The following LEKR1 variants were observed in gnomAD, a reference collection of about 807,000 sequenced individuals.
The protein encoded by LEKR1 is leucine, glutamate and lysine rich 1.
Under a neutral mutation model 72.4 loss-of-function variants are expected in LEKR1, and 59 were observed. The observed-to-expected ratio is 0.82, with a 90% confidence interval of 0.66 to 1.01. The LOEUF (loss-of-function observed/expected upper bound fraction) is 1.01, where lower values mean the gene tolerates loss of function less well. Ranked by LOEUF, LEKR1 falls within the 50% of genes least tolerant of loss-of-function variation. LEKR1 has a pLI of 0.00. For missense variants in LEKR1, 728 were observed against 759.2 expected (o/e 0.96, Z 0.48); for synonymous variants, 257 against 263.2 (o/e 0.98, Z 0.23).
chr3:156,834,905 C>T (rs1275663302), intron 2 of LEKR1, among the ~76,000 whole-genome samples: 2 of 152,178 alleles, frequency 1.3e-5, no homozygotes, highest in African/African-American at 4.8e-5. Flanking sequence ...AAGTCATCTA[C>T]ACTAAAAGGC....
At chr3:156,863,032 T>C (rs1049806619) in intron 3 of LEKR1, among the ~76,000 whole-genome samples, 3 of 152,054 alleles carry the variant, frequency 2.0e-5, no homozygotes, top group African/African-American at 7.2e-5. Context: ...AAAGTTAAGT[T>C]TGGCTTTCCA....
chr3:157,020,952 C>A (rs1348528542), intron 10 of LEKR1, among the ~76,000 whole-genome samples: 2 of 151,088 alleles, frequency 1.3e-5, no homozygotes, highest in African/African-American at 4.8e-5. Flanking sequence ...TGTTTCCTGA[C>A]TTTTTAATGA....
intron 5 of LEKR1, among the ~76,000 whole-genome samples, chr3:156,936,540 G>A (rs966488321): frequency 2.0e-5 from 3 of 151,712 alleles, no homozygotes; most frequent in African/African-American, 7.3e-5. Flanking sequence ...TAAAGTCTAT[G>A]TTTTTTCTAT....
chr3:156,915,413 T>C (rs1723532271), intron 3 of LEKR1, among the ~76,000 whole-genome samples: 1 of 147,020 alleles, frequency 6.8e-6, no homozygotes, highest in African/African-American at 2.6e-5. Context: ...CTTGCCAGCA[T>C]CTGTTATTTT....
chr3:156,858,722 G>GT (rs1716396139), intron 3 of LEKR1, among the ~76,000 whole-genome samples: 1 of 150,786 alleles, frequency 6.6e-6, no homozygotes, highest in Non-Finnish European at 1.5e-5. Flanking sequence ...TTAATGTTTA[G>GT]TTTTCTTTCT....
At chr3:156,864,851 C>T (rs1484481411) in intron 3 of LEKR1, among the ~76,000 whole-genome samples, 1 of 151,872 alleles carries the variant, frequency 6.6e-6, no homozygotes, top group South Asian at 2.1e-4. Context: ...TTTGGCCTCT[C>T]CACTTCCTCC....
chr3:156,970,321 C>A (rs1729044640), intron 6 of LEKR1, among the ~76,000 whole-genome samples: 1 of 151,256 alleles, frequency 6.6e-6, no homozygotes, highest in Non-Finnish European at 1.5e-5. Flanking sequence ...AGGAAAAGAG[C>A]TCTTTAGTTT....
intron 7 of LEKR1, among the ~76,000 whole-genome samples, chr3:156,984,463 G>A (rs1033964171): frequency 1.4e-4 from 22 of 152,222 alleles, no homozygotes; most frequent in African/African-American, 5.3e-4. Context: ...GATCACCTGA[G>A]GTCAGGAGTT....
At position 157,035,760 on chromosome 3, in the gene LEKR1, G is replaced by A. The variant is rs147143991; in HGVS notation, c.1668+7358G>A. Among the ~76,000 whole-genome samples the A allele has an allele frequency of 7.9e-5, 12 of 152,158 alleles. 1 individual carries two copies. In the East Asian group the frequency reaches 1.2e-3, roughly 15 times the overall value. On this transcript the variant is annotated intron_variant, in intron 12 of 12. Transcript: ENST00000356539. Reference sequence around the variant, plus strand: ...CTGAAAATACAAAAATTAGCCTGTCGTGGTGCTGCACATCTGTAATCCCAG... The same window carrying A: ...CTGAAAATACAAAAATTAGCCTGTCATGGTGCTGCACATCTGTAATCCCAG...
intron 2 of LEKR1, among the ~76,000 whole-genome samples, chr3:156,852,421 C>T (rs879492963): frequency 5.3e-5 from 8 of 152,172 alleles, no homozygotes; most frequent in Non-Finnish European, 1.2e-4. Flanking sequence ...GTGATTTCCT[C>T]CCACTTCGTG....
chr3:156,945,148 T>G (rs955047699), intron 6 of LEKR1, among the ~76,000 whole-genome samples: 1 of 151,958 alleles, frequency 6.6e-6, no homozygotes, highest in Non-Finnish European at 1.5e-5. Flanking sequence ...TAGTTTTGAT[T>G]TGCATTTCTC....
At chr3:156,856,754 A>T (rs1716107833) in intron 3 of LEKR1, among the ~76,000 whole-genome samples, 1 of 151,946 alleles carries the variant, frequency 6.6e-6, no homozygotes, top group South Asian at 2.1e-4. Flanking sequence ...TAGCTTCCTC[A>T]TTGAATTCTT....
chr3:156,980,735 A>G (rs991744545), intron 7 of LEKR1, among the ~76,000 whole-genome samples: 1 of 152,212 alleles, frequency 6.6e-6, no homozygotes, highest in Non-Finnish European at 1.5e-5. Context: ...GTGTTAGCAC[A>G]CAACTAAGCT....
At chr3:157,012,143 C>T (rs565563372) in intron 10 of LEKR1, among the ~76,000 whole-genome samples, 3 of 152,190 alleles carry the variant, frequency 2.0e-5, no homozygotes, top group South Asian at 4.2e-4. Context: ...CTCAGACCAT[C>T]CACAGCTCTA....
intron 3 of LEKR1, among the ~76,000 whole-genome samples, chr3:156,888,939 A>C (rs959927295): frequency 3.3e-5 from 5 of 152,236 alleles, no homozygotes; most frequent in Non-Finnish European, 7.3e-5. Flanking sequence ...TTATTTTCTA[A>C]AAAGGAAAGC....
At chr3:156,950,475 G>A (rs75453841) in intron 6 of LEKR1, among the ~76,000 whole-genome samples, 10,779 of 151,454 alleles carry the variant, frequency 0.071, 487 homozygotes, top group African/African-American at 0.12. Flanking sequence ...ATGAGCATGG[G>A]ATGTTCTTCT....
rs958018840 is a variant in LEKR1, at chr3:156,887,402, G to A, written c.264-33173G>A. 6.6e-5 allele frequency among the ~76,000 whole-genome samples: 10 copies of A among 151,842 alleles called. No individual in the cohort carries two copies. In the South Asian group the frequency reaches 1.2e-3, roughly 19 times the overall value. Reference sequence around the variant, plus strand: ...GAGCCTGGTAGGCAGAGTGTGGGGCGCACAAGAGCTACAAATTTTACATTA... The same window carrying A: ...GAGCCTGGTAGGCAGAGTGTGGGGCACACAAGAGCTACAAATTTTACATTA... On this transcript the variant is annotated intron_variant, in intron 3 of 12. Transcript: ENST00000356539.
intron 6 of LEKR1, among the ~76,000 whole-genome samples, chr3:156,977,156 G>A (rs1200446210): frequency 2.0e-5 from 3 of 152,116 alleles, no homozygotes; most frequent in South Asian, 2.1e-4. Flanking sequence ...GCCCTTTGGC[G>A]TGCCACTCTC....
intron 2 of LEKR1, among the ~76,000 whole-genome samples, chr3:156,851,435 G>T (rs933123388): frequency 2.6e-5 from 4 of 152,086 alleles, no homozygotes; most frequent in African/African-American, 9.7e-5. Flanking sequence ...CCCATCATTT[G>T]GGATGTTAAA....
Sources: allele counts gnomAD v4.1 joint callset (sites outside exome capture counted in the v4.1 genomes callset), GRCh38; gene constraint gnomAD v4.1.1; transcripts MANE v1.5; gene names NCBI Gene and HGNC (gene_info 2026-07-23, HGNC 2026-07-21).